The following JPT2 variants were observed in gnomAD, a reference collection of about 807,000 sequenced individuals.
JPT2 encodes the protein Jupiter microtubule associated homolog 2.
Under a neutral mutation model 15.9 loss-of-function variants are expected in JPT2, and 9 were observed. The observed-to-expected ratio is 0.57, with a 90% confidence interval of 0.34 to 0.99. The LOEUF is 0.99. Ranked by LOEUF, JPT2 falls within the 50% of genes least tolerant of loss-of-function variation. The pLI, the probability that JPT2 is intolerant of heterozygous loss-of-function variation, is 0.02. For synonymous variants in JPT2, 95 were observed against 91.7 expected (o/e 1.04, Z -0.21); for missense variants, 267 against 252.1 (o/e 1.06, Z -0.40).
chr16:1,684,637 G>A (rs1045112248), intron 1 of JPT2, among the ~76,000 whole-genome samples: 1 of 152,122 alleles, frequency 6.6e-6, no homozygotes, highest in African/African-American at 2.4e-5. Flanking sequence ...CTACGTGGGA[G>A]GCTGAGGCAG....
chr16:1,685,613 CCTTT>C, intron 2 of JPT2, 26 bp downstream of exon 2: 1 of 1,598,102 alleles, frequency 6.3e-7, no homozygotes, highest in Non-Finnish European at 8.5e-7. Flanking sequence ...AATCCTTAAT[CCTTT>C]GGCCTCCACG....
chr16:1,690,217 G>A (rs2142225900), intron 2 of JPT2: 1 of 152,304 alleles, frequency 6.6e-6, no homozygotes, highest in East Asian at 1.9e-4. Context: ...CAGGTGCACA[G>A]ACCCCCAGCC....
In JPT2 at chr16:1,699,424, A is replaced by C. The variant is rs1209553647; in HGVS notation, c.*426A>C. On this transcript the variant is annotated 3_prime_UTR_variant, in exon 5 of 5. Coordinates refer to ENST00000248098, the MANE Select transcript of JPT2 (RefSeq NM_144570.3). ...AACACTAACAGTATATTGACCTCTT[A>C]GCAGAACCGCTTCCATTCTGGAGAT... is the stretch of plus-strand genomic sequence containing the variant. The C allele has an allele frequency of 2.7e-6, 1 of 373,078 alleles. No homozygotes were observed. Among genetic ancestry groups the C allele is most frequent in the African/African-American group, 2.1e-5 (1 of 47,696 alleles). 23.1% of individuals were successfully genotyped at this position (373,078 alleles called of 1,614,324 possible).
chr16:1,690,959 G>A (rs1188348710), intron 2 of JPT2, among the ~76,000 whole-genome samples: 3 of 152,252 alleles, frequency 2.0e-5, no homozygotes, highest in African/African-American at 7.2e-5. Context: ...GATGAGGACT[G>A]TGGGACACAG....
rs1467091695 is a variant in JPT2 at position 1,699,327 on chromosome 16, G to A, written c.*329G>A. ...TCAACAGCCCGCCAGCTGATTGGAT[G>A]TCTAGGAATGACTGAAAGAAACCAA... On this transcript the variant is annotated 3_prime_UTR_variant, in exon 5 of 5. Transcript: ENST00000248098. 1 of 524,698 alleles carries A rather than the reference G, an allele frequency of 1.9e-6. No homozygotes were observed. Among genetic ancestry groups the A allele is most frequent in the Non-Finnish European group, 3.7e-6 (1 of 271,142 alleles). The allele number at this position is 524,698 out of a possible 1,614,324, so 32.5% of individuals were successfully genotyped here. A position where few individuals can be genotyped will look rare whatever the true frequency, so the allele number is the denominator to read the frequency against.
Position 1,699,461 on chromosome 16 carries a change from A to C in JPT2, c.*463A>C. Reference sequence around the variant, plus strand: ...TCCATTCTGGAGATCACGGCTGCTAAATCCAGCATCCCCACTTCATTTTAC... The same window carrying C: ...TCCATTCTGGAGATCACGGCTGCTACATCCAGCATCCCCACTTCATTTTAC... On this transcript the variant is annotated 3_prime_UTR_variant, in exon 5 of 5. Coordinates refer to ENST00000248098, the MANE Select transcript of JPT2 (RefSeq NM_144570.3). 1 of 351,946 alleles carries C rather than the reference A, an allele frequency of 2.8e-6. No individual in the cohort carries two copies. Among genetic ancestry groups the C allele is most frequent in the Admixed American group, 3.7e-5 (1 of 27,138 alleles). The allele number at this position is 351,946 out of a possible 1,614,324, so 21.8% of individuals were successfully genotyped here.
intron 3 of JPT2, among the ~76,000 whole-genome samples, chr16:1,694,329 A>G (rs560561393): frequency 6.6e-6 from 1 of 152,356 alleles, no homozygotes; most frequent in South Asian, 2.1e-4. Flanking sequence ...AATCAGACCA[A>G]GCCACATATT....
At chr16:1,688,762 C>T (rs890528720) in intron 2 of JPT2, 1 of 152,074 alleles carries the variant, frequency 6.6e-6, no homozygotes, top group Non-Finnish European at 1.5e-5. Context: ...CCTTGGAAAT[C>T]AAAAATCTAG....
intron 1 of JPT2, among the ~76,000 whole-genome samples, chr16:1,680,979 C>T (rs1248463013): frequency 2.6e-5 from 4 of 152,182 alleles, no homozygotes; most frequent in African/African-American, 7.2e-5. Flanking sequence ...GGTTTTTCTT[C>T]TCCTGTGCGC....
chr16:1,684,455 C>G (rs1157798819), intron 1 of JPT2, among the ~76,000 whole-genome samples: 2 of 152,080 alleles, frequency 1.3e-5, no homozygotes, highest in African/African-American at 4.8e-5. Flanking sequence ...AAAAGTGATT[C>G]AAGAGCCAGG....
chr16:1,681,087 T>A (rs552107207), intron 1 of JPT2, among the ~76,000 whole-genome samples: 1 of 152,176 alleles, frequency 6.6e-6, no homozygotes, highest in South Asian at 2.1e-4. Flanking sequence ...CCCACTCACA[T>A]TGTGAATTTG....
chr16:1,699,488 C>T lies in JPT2; in HGVS notation c.*490C>T, dbSNP rs757971612. ...TCCAGCATCCCCACTTCATTTTACCCCCAGCATATTGTTCTGTAGTCTTTT... is the reference window on the plus strand; with the variant it reads ...TCCAGCATCCCCACTTCATTTTACCTCCAGCATATTGTTCTGTAGTCTTTT... On this transcript the variant is annotated 3_prime_UTR_variant, in exon 5 of 5. Coordinates refer to ENST00000248098, the MANE Select transcript of JPT2 (RefSeq NM_144570.3). The T allele has an allele frequency of 2.9e-6, 1 of 348,602 alleles. No individual in the cohort carries two copies. The highest frequency in any genetic ancestry group is 3.8e-5 in the Admixed American group (1 of 26,520). 21.6% of individuals were successfully genotyped at this position (348,602 alleles called of 1,614,324 possible).
Position 1,687,122 on chromosome 16 carries a change from A to G in JPT2, c.193+1535A>G, listed in dbSNP as rs1252627350. ...CTCAGCCTCCTGAGTGGCTGGGACT[A>G]CGGGCGTATGCCACCATGCTTAGGT... On this transcript the variant is annotated intron_variant, in intron 2 of 4. Transcript: ENST00000248098. Among the ~76,000 whole-genome samples the G allele has an allele frequency of 2.6e-5, 4 of 152,044 alleles. No homozygotes were observed. The South Asian group carries it at 6.2e-4, about 24-fold the overall frequency.
intron 1 of JPT2, among the ~76,000 whole-genome samples, chr16:1,679,470 C>T (rs533635314): frequency 3.3e-5 from 5 of 151,898 alleles, no homozygotes; most frequent in East Asian, 3.9e-4. Flanking sequence ...CTGAGGTGGG[C>T]GAGTCACGTG....
chr16:1,702,336 G>GC, downstream of JPT2: 1 of 294,802 alleles, frequency 3.4e-6, no homozygotes, highest in Non-Finnish European at 7.1e-6. Flanking sequence ...CAAGAACCAG[G>GC]CTAGGAAATG....
At chr16:1,695,320 G>A (rs2037133085) in intron 3 of JPT2, among the ~76,000 whole-genome samples, 1 of 151,654 alleles carries the variant, frequency 6.6e-6, no homozygotes, top group South Asian at 2.1e-4. Context: ...CAGGAGAATC[G>A]CTTGAACCCA....
chr16:1,680,423 A>C, intron 1 of JPT2: 1 of 1,188,746 alleles, frequency 8.4e-7, no homozygotes, highest in Non-Finnish European at 1.1e-6. Context: ...GTTTCTGGAC[A>C]AGGTGTTGAG....
intron 1 of JPT2, among the ~76,000 whole-genome samples, chr16:1,683,324 G>A (rs1038260606): frequency 2.0e-5 from 3 of 151,752 alleles, no homozygotes; most frequent in Admixed American, 6.6e-5. Flanking sequence ...ATGCCCAGGC[G>A]TGTCTCGAAC....
chr16:1,686,523 T>C (rs1394867835), intron 2 of JPT2: 5 of 151,952 alleles, frequency 3.3e-5, no homozygotes, highest in Non-Finnish European at 7.3e-5. Context: ...ACTCCATCTG[T>C]ACTAAAAATA....
Sources: gnomAD v4.1 joint callset for allele counts (sites outside exome capture counted in the v4.1 genomes callset) on GRCh38, gnomAD v4.1.1 for gene constraint, MANE v1.5 for transcripts, NCBI Gene and HGNC (gene_info 2026-07-23, HGNC 2026-07-21) for gene names.